GNAL: variants seen among roughly 807,000 people sequenced by gnomAD.
GNAL encodes guanine nucleotide-binding protein G(olf) subunit alpha.
A neutral mutation model predicts 55.1 loss-of-function variants in GNAL; 18 were observed. That is an observed-to-expected ratio of 0.33 (90% confidence interval 0.23 to 0.48). The LOEUF (loss-of-function observed/expected upper bound fraction) is 0.48, where lower values mean the gene tolerates loss of function less well. Ranked by LOEUF, GNAL falls within the 20% of genes least tolerant of loss-of-function variation. The pLI is 0.99. For synonymous variants in GNAL, 253 were observed against 237.0 expected (o/e 1.07, Z -0.62); for missense variants, 412 against 614.1 (o/e 0.67, Z 3.48).
At chr18:11,789,533 C>T (rs900584881) in intron 4 of GNAL, among the ~76,000 whole-genome samples, 1 of 152,006 alleles carries the variant, frequency 6.6e-6, no homozygotes, top group African/African-American at 2.4e-5. Context: ...GTTATGGCAC[C>T]ATATGGTGGG....
In GNAL at chr18:11,861,991, A is replaced by ACACAC. The variant is rs1567898496; in HGVS notation, c.723-402_723-401insCACCA. 1.4e-4 allele frequency among the ~76,000 whole-genome samples: 8 copies of ACACAC among 55,860 alleles called. No homozygotes were observed. The South Asian group carries it at 5.6e-3, about 39-fold the overall frequency. 36.6% of individuals were successfully genotyped at this position (55,860 alleles called of 152,430 possible). On this transcript the variant is annotated intron_variant, in intron 5 of 11. Transcript: ENST00000334049. The stretch of plus-strand genomic sequence containing the variant: ...ACACACACACACACACACACACACA[A>ACACAC]CATCTGGATTTGATTAGGAAACTAA...
chr18:11,748,300 G>C (rs1447704355), intron 1 of GNAL, among the ~76,000 whole-genome samples: 2 of 152,186 alleles, frequency 1.3e-5, no homozygotes, highest in Admixed American at 1.3e-4. Context: ...GTTGCAGCCA[G>C]GCTGCAAGGG....
chr18:11,876,458 G>A (rs1427801961), intron 10 of GNAL, among the ~76,000 whole-genome samples, 163 bp from the exon 11 acceptor site: 2 of 133,662 alleles, frequency 1.5e-5, no homozygotes, highest in South Asian at 2.2e-4. Flanking sequence ...GTGAGACTCC[G>A]TCTCTTAAAA....
rs189225600 is a variant in GNAL at position 11,841,927 on chromosome 18, C to T, written c.722+16912C>T. ...ACGTATGAACTGGAAGATTGTAGCC[C>T]AACTCCATCAAATAACGAAAGAAAA... On this transcript the variant is annotated intron_variant, in intron 5 of 11. Coordinates refer to ENST00000334049, the MANE Select transcript of GNAL (RefSeq NM_182978.4). Among the ~76,000 whole-genome samples the T allele has an allele frequency of 3.9e-3, 590 of 152,100 alleles. 4 individuals are homozygous for T. Among genetic ancestry groups the T allele is most frequent in the Non-Finnish European group, 5.6e-3 (384 of 68,024 alleles).
chr18:11,828,345 C>T (rs148821308), intron 5 of GNAL, among the ~76,000 whole-genome samples: 566 of 143,368 alleles, frequency 3.9e-3, no homozygotes, highest in African/African-American at 0.015. Flanking sequence ...TGGAGGCTGC[C>T]GTGAGCTATC....
chr18:11,822,373 G>C (rs1304618403), intron 4 of GNAL, among the ~76,000 whole-genome samples: 1 of 152,218 alleles, frequency 6.6e-6, no homozygotes, highest in Non-Finnish European at 1.5e-5. Flanking sequence ...GGGAGCCTGA[G>C]GGCAGAGGAT....
In GNAL at chr18:11,885,350, A is replaced by C; in HGVS notation, c.*4215A>C. 1 of 308,964 alleles carries C rather than the reference A, an allele frequency of 3.2e-6. No individual in the cohort carries two copies. The highest frequency in any genetic ancestry group is 6.1e-6 in the Non-Finnish European group (1 of 163,060). The allele number at this position is 308,964 out of a possible 1,614,324, so 19.1% of individuals were successfully genotyped here. On this transcript the variant is annotated 3_prime_UTR_variant, in exon 12 of 12. Coordinates refer to ENST00000334049, the MANE Select transcript of GNAL (RefSeq NM_182978.4). The stretch of plus-strand genomic sequence containing the variant: ...AGAAAATAAGAGAAGATGGCTGAGT[A>C]TAGCTAATGAATAAATGGTTGTTTC...
chr18:11,885,173 G>C lies in GNAL; in HGVS notation c.*4038G>C. On this transcript the variant is annotated 3_prime_UTR_variant, in exon 12 of 12. Coordinates refer to ENST00000334049, the MANE Select transcript of GNAL (RefSeq NM_182978.4). ...GTTAGGGTTTCCTCCACCTTTTTATGAAGTAAAAGAACCTGTCGTACCAGC... is the reference window on the plus strand; with the variant it reads ...GTTAGGGTTTCCTCCACCTTTTTATCAAGTAAAAGAACCTGTCGTACCAGC... The C allele has an allele frequency of 1.5e-6, 1 of 654,398 alleles. No individual in the cohort carries two copies. The highest frequency in any genetic ancestry group is 2.1e-6 in the Non-Finnish European group (1 of 466,362). The allele number at this position is 654,398 out of a possible 1,614,324, so 40.5% of individuals were successfully genotyped here.
chr18:11,848,369 C>A (rs1001647090), intron 5 of GNAL, among the ~76,000 whole-genome samples: 1 of 152,074 alleles, frequency 6.6e-6, no homozygotes, highest in Non-Finnish European at 1.5e-5. Context: ...TTCTCTCCAG[C>A]ACAGAAAGTA....
In GNAL at chr18:11,752,818, A is replaced by G. The variant is rs2032901815; in HGVS notation, c.377-35A>G. ...GGTGAGAGATGGCAGCGATATCCGG[A>G]CACAGATCACAGCGTTCTTTCTGTT... On this transcript the variant is annotated intron_variant, in intron 1 of 11. Transcript: ENST00000334049. This position sits in a 1 kb window ranked among gnomAD's most constrained non-coding sequence, Gnocchi z 4.5. 3.4e-6 allele frequency: 5 copies of G among 1,466,630 alleles called. No homozygotes were observed. The highest frequency in any genetic ancestry group is 1.4e-5 in the African/African-American group (1 of 72,106). 90.9% of individuals were successfully genotyped at this position (1,466,630 alleles called of 1,614,324 possible).
At chr18:11,851,253 C>G (rs543840421) in intron 5 of GNAL, 3 of 457,792 alleles carry the variant, frequency 6.6e-6, no homozygotes, top group South Asian at 3.9e-5. Flanking sequence ...CCCGCCGCAG[C>G]GCCGGAGCGT....
intron 1 of GNAL, among the ~76,000 whole-genome samples, chr18:11,720,913 C>T (rs1406354988): frequency 6.6e-6 from 1 of 152,144 alleles, no homozygotes; most frequent in Non-Finnish European, 1.5e-5. Context: ...CCCTAAATAA[C>T]TTTATTGCAA....
In GNAL at chr18:11,689,829, C is replaced by A; in HGVS notation, c.266C>A (p.Ala89Asp). The stretch of plus-strand genomic sequence containing the variant: ...CTGAGTGCCGAGGAGCGCGAGGCGG[C>A]CAAGGAGCGCGAGGCGGTCAAGGAG... ...EQLSAEEREAAKEREAVKEAR... is the reference protein window; with the variant it reads ...EQLSAEEREADKEREAVKEAR... The change falls in exon 1 of 12, where the codon GCC (alanine) becomes GAC (aspartate). Residue 89 changes from alanine to aspartate, a missense_variant. Ala to Asp is a moderately radical substitution (Grantham distance 126). This residue lies in a region of GNAL where 228 missense variants were observed against 194.8 expected (regional missense o/e 1.17). Transcript: ENST00000334049. 1 of 1,536,780 alleles carries A rather than the reference C, an allele frequency of 6.5e-7. No homozygotes were observed. The highest frequency in any genetic ancestry group is 2.0e-5 in the Admixed American group (1 of 51,244).
chr18:11,798,982 G>A (rs1215227634), intron 4 of GNAL, among the ~76,000 whole-genome samples: 2 of 151,966 alleles, frequency 1.3e-5, no homozygotes, highest in African/African-American at 4.8e-5. Flanking sequence ...GCACGGTGAC[G>A]CACGCCTGTA....
chr18:11,705,824 C>T (rs950084848), intron 1 of GNAL, among the ~76,000 whole-genome samples: 10 of 141,032 alleles, frequency 7.1e-5, no homozygotes, highest in Admixed American at 3.1e-4. Context: ...GGCACGATTT[C>T]GGCTCACTGC....
At chr18:11,835,932 T>C (rs1262043) in intron 5 of GNAL, among the ~76,000 whole-genome samples, 149,488 of 152,200 alleles carry the variant, frequency 0.98, 73,461 homozygotes, top group East Asian at 1. Context: ...ACTGCTTGAG[T>C]CCAAAAGTTT....
chr18:11,819,693 CTT>C (rs1399896875), intron 4 of GNAL, among the ~76,000 whole-genome samples: 4 of 151,998 alleles, frequency 2.6e-5, no homozygotes, highest in South Asian at 2.1e-4. Context: ...GTGAATTACT[CTT>C]TTCAGACACA....
At chr18:11,711,416 A>C (rs1410029014) in intron 1 of GNAL, among the ~76,000 whole-genome samples, 1 of 141,406 alleles carries the variant, frequency 7.1e-6, no homozygotes, top group Non-Finnish European at 1.5e-5. Flanking sequence ...TTTCCTTTTT[A>C]CTCTTCTGAC....
chr18:11,726,440 C>T (rs1387768454), intron 1 of GNAL, among the ~76,000 whole-genome samples: 3 of 152,226 alleles, frequency 2.0e-5, no homozygotes, highest in Non-Finnish European at 2.9e-5. Flanking sequence ...AATCTCTGTG[C>T]TGTGAACACT....
Sources: allele counts gnomAD v4.1 joint callset (sites outside exome capture counted in the v4.1 genomes callset), GRCh38; gene constraint gnomAD v4.1.1; regional missense constraint gnomAD v4.1.1; non-coding constraint Gnocchi (gnomAD v3.1); transcripts MANE v1.5; gene names NCBI Gene and HGNC (gene_info 2026-07-23, HGNC 2026-07-21).